SECISBP2: variants seen among roughly 807,000 people sequenced by gnomAD.
The protein encoded by SECISBP2 is selenocysteine insertion sequence-binding protein 2.
A neutral mutation model predicts 98.2 loss-of-function variants in SECISBP2; 96 were observed. That is an observed-to-expected ratio of 0.98 (90% CI 0.83 to 1.16). The LOEUF (loss-of-function observed/expected upper bound fraction) is 1.16. SECISBP2 is among the 50% of genes most tolerant of loss of function. SECISBP2 has a pLI of 0.00. For synonymous variants in SECISBP2, 407 were observed against 370.2 expected, an observed-to-expected ratio of 1.10 and a Z score of -1.14; for missense variants, 1,046 against 1,022.9, an observed-to-expected ratio of 1.02 and a Z score of -0.31.
chr9:89,351,049 T>C (rs975194731), intron 14 of SECISBP2, among the ~76,000 whole-genome samples, 197 bp downstream of exon 14: 3 of 152,238 alleles, frequency 2.0e-5, no homozygotes, highest in Non-Finnish European at 4.4e-5. Flanking sequence ...GTAGGGCAGG[T>C]GGGTCCTGTG....
rs772197121 is a variant in SECISBP2 at position 89,346,960 on chromosome 9, A to G, written c.1514A>G (p.His505Arg). 1 of 1,614,198 alleles carries G rather than the reference A, an allele frequency of 6.2e-7. No individual in the cohort carries two copies. Among genetic ancestry groups the G allele is most frequent in the Admixed American group, 1.7e-5 (1 of 60,022 alleles). The stretch of plus-strand genomic sequence containing the variant: ...CGCATGAGTCAAATGAAGACCCCGC[A>G]CAATCCCTTGGACTCCAGCGCCCCA... ...GRRMSQMKTP[H>R]NPLDSSAPLM... The change falls in exon 11 of 17, where the codon CAC becomes CGC. Residue 505 changes from histidine (H) to arginine (R), a missense_variant. Physicochemically the swap from His to Arg is conservative, Grantham distance 29. Coordinates refer to ENST00000375807, the MANE Select transcript of SECISBP2 (RefSeq NM_024077.5).
downstream of SECISBP2, chr9:89,363,652 C>T: frequency 6.3e-7 from 1 of 1,591,762 alleles, no homozygotes; most frequent in Non-Finnish European, 8.6e-7. Context: ...ACCGTGCAAG[C>T]ATGCTTTCCA....
At chr9:89,364,273 A>G, downstream of SECISBP2, 1 of 417,418 alleles carries the variant, frequency 2.4e-6, no homozygotes. Context: ...TGGGCCTTGG[A>G]ACAGCATCCC....
intron 4 of SECISBP2, among the ~76,000 whole-genome samples, chr9:89,326,912 CA>C (rs1826802358): frequency 2.0e-5 from 3 of 152,140 alleles, no homozygotes; most frequent in Admixed American, 6.5e-5. Context: ...CCTGTAATCC[CA>C]GCACTTTGGG....
At chr9:89,319,937 C>A in intron 2 of SECISBP2, 140 bp downstream of exon 2, 1 of 896,366 alleles carries the variant, frequency 1.1e-6, no homozygotes, top group Non-Finnish European at 1.8e-6. Flanking sequence ...AGAGTCTGAG[C>A]CAGTAGCACA....
At chr9:89,326,588 T>C (rs535653151) in intron 4 of SECISBP2, among the ~76,000 whole-genome samples, 71 of 152,358 alleles carry the variant, frequency 4.7e-4, no homozygotes, top group Non-Finnish European at 8.8e-4. Context: ...ATAATTAAAA[T>C]GCCCAGCTGC....
At position 89,348,082 on chromosome 9, in the gene SECISBP2, A is replaced by C. The variant is rs570106144; in HGVS notation, c.1606A>C (p.Ile536Leu). Reference sequence around the variant, plus strand: ...AATTGTTTATTTAATTTTTAAGATTATTTTGAAAGAACGGCAAGAGAGAAA... The same window carrying C: ...AATTGTTTATTTAATTTTTAAGATTCTTTTGAAAGAACGGCAAGAGAGAAA... ...AKKPTSLKKI[I>L]LKERQERKQR... Residue 536 changes from isoleucine to leucine, a missense_variant, in exon 12 of 17, where the codon ATT becomes CTT. Physicochemically the swap from Ile to Leu is conservative, Grantham distance 5 (BLOSUM62 2). Transcript: ENST00000375807. 1 of 1,612,760 alleles carries C rather than the reference A, an allele frequency of 6.2e-7. No individual in the cohort carries two copies. Among genetic ancestry groups the C allele is most frequent in the South Asian group, 1.1e-5 (1 of 91,014 alleles).
downstream of SECISBP2, among the ~76,000 whole-genome samples, chr9:89,360,329 A>G (rs901148579): frequency 8.5e-5 from 13 of 152,182 alleles, no homozygotes; most frequent in African/African-American, 3.1e-4. Context: ...AGTTGTGGTA[A>G]GTTTGAAAAT....
chr9:89,357,550 C>A lies in SECISBP2; in HGVS notation c.2253C>A (p.Ser751Arg). The change falls in exon 15 of 17, where the codon AGC becomes AGA. Residue 751 changes from serine to arginine, a missense_variant. Physicochemically the swap from Ser to Arg is moderately radical, Grantham distance 110 (BLOSUM62 -1). Coordinates refer to ENST00000375807, the MANE Select transcript of SECISBP2 (RefSeq NM_024077.5). ...CTGTCAGTGTGGTGGGGATCTTCAGCTATGATGGGGCCCAGGTGAGTGCAC... is the reference window on the plus strand; with the variant it reads ...CTGTCAGTGTGGTGGGGATCTTCAGATATGATGGGGCCCAGGTGAGTGCAC... ...AVPVSVVGIF[S>R]YDGAQDQFHK... is the part of the protein sequence containing the mutation. The A allele has an allele frequency of 6.2e-7, 1 of 1,613,832 alleles. No individual in the cohort carries two copies. The highest frequency in any genetic ancestry group is 8.5e-7 in the Non-Finnish European group (1 of 1,180,004).
intron 10 of SECISBP2, among the ~76,000 whole-genome samples, 165 bp from the exon 11 acceptor site, chr9:89,346,717 G>A (rs754809568): frequency 7.1e-5 from 10 of 140,330 alleles, no homozygotes; most frequent in Non-Finnish European, 1.3e-4. Flanking sequence ...AAAAGAATGT[G>A]TAAGAGATTG....
intron 7 of SECISBP2, among the ~76,000 whole-genome samples, chr9:89,337,032 C>T (rs1828863471): frequency 6.6e-6 from 1 of 152,112 alleles, no homozygotes; most frequent in Non-Finnish European, 1.5e-5. Context: ...CCTCGGCCTC[C>T]CCAAATGCTG....
At chr9:89,347,975 A>G in intron 11 of SECISBP2, 104 bp from the exon 12 acceptor site, 1 of 1,107,058 alleles carries the variant, frequency 9.0e-7, no homozygotes, top group Non-Finnish European at 1.3e-6. Flanking sequence ...GGGCACTAAG[A>G]GGCACATTGC....
intron 10 of SECISBP2, among the ~76,000 whole-genome samples, chr9:89,346,364 A>T (rs954360671): frequency 6.6e-6 from 1 of 152,192 alleles, no homozygotes; most frequent in Non-Finnish European, 1.5e-5. Flanking sequence ...CGTCTGGAAA[A>T]CTCAAGAGAA....
chr9:89,360,510 G>A (rs944833128), downstream of SECISBP2, among the ~76,000 whole-genome samples: 3 of 152,182 alleles, frequency 2.0e-5, no homozygotes, highest in African/African-American at 7.2e-5. Context: ...GAGCTCTCTA[G>A]TTCTGTGATA....
chr9:89,354,872 C>G, intron 14 of SECISBP2: 1 of 985,396 alleles, frequency 1.0e-6, no homozygotes, highest in Non-Finnish European at 1.2e-6. Flanking sequence ...CTTCATATGT[C>G]TCCCCTGACA....
chr9:89,342,834 A>G (rs968717151), intron 10 of SECISBP2, among the ~76,000 whole-genome samples: 27 of 152,208 alleles, frequency 1.8e-4, no homozygotes, highest in African/African-American at 6.5e-4. Context: ...TTGAAAATGG[A>G]TAGTAGTGAT....
intron 6 of SECISBP2, among the ~76,000 whole-genome samples, chr9:89,333,776 G>T (rs578015907): frequency 3.3e-5 from 5 of 152,244 alleles, no homozygotes; most frequent in Non-Finnish European, 7.3e-5. Context: ...TATTTTTACA[G>T]TAGCTTGTCC....
At chr9:89,344,612 C>T (rs946998947) in intron 10 of SECISBP2, among the ~76,000 whole-genome samples, 4 of 152,150 alleles carry the variant, frequency 2.6e-5, no homozygotes, top group African/African-American at 7.2e-5. Flanking sequence ...ATTTGTTCCT[C>T]GCTTCCTCCT....
rs894669631 is a variant in SECISBP2 at position 89,350,864 on chromosome 9, G to A, written c.2113+12G>A. The A allele has an allele frequency of 3.1e-6, 5 of 1,610,130 alleles. No individual in the cohort carries two copies. The highest frequency in any genetic ancestry group is 1.6e-4 in the Middle Eastern group (1 of 6,080). On this transcript the variant is annotated intron_variant, in intron 14 of 16. Coordinates refer to ENST00000375807, the MANE Select transcript of SECISBP2 (RefSeq NM_024077.5). ...GATACAGTCAAAAGGTAAAGGCACA[G>A]TGTGGTCCTGTGATATGTGGGCCCC...
Sources: allele counts gnomAD v4.1 joint callset (sites outside exome capture counted in the v4.1 genomes callset), GRCh38; gene constraint gnomAD v4.1.1; transcripts MANE v1.5; gene names NCBI Gene and HGNC (gene_info 2026-07-23, HGNC 2026-07-21).